RNF19A: variants seen among roughly 807,000 people sequenced by gnomAD.
The protein encoded by RNF19A is E3 ubiquitin-protein ligase RNF19A.
Under a neutral mutation model 75.7 loss-of-function variants are expected in RNF19A, and 32 were observed. The observed-to-expected ratio is 0.42, with a 90% CI of 0.32 to 0.57. The LOEUF (loss-of-function observed/expected upper bound fraction) is 0.57. Ranked by LOEUF, RNF19A falls within the 20% of genes least tolerant of loss-of-function variation. The pLI, the probability that RNF19A is intolerant of heterozygous loss-of-function variation, is 0.10. For synonymous variants in RNF19A, 335 were observed against 345.2 expected (o/e 0.97, Z 0.33); for missense variants, 782 against 1,036.3 (o/e 0.75, Z 3.37).
Position 100,275,208 on chromosome 8 carries a change from G to C in RNF19A, c.675-47C>G. The C allele has an allele frequency of 6.6e-7, 1 of 1,524,136 alleles. No individual in the cohort carries two copies. The highest frequency in any genetic ancestry group is 9.1e-7 in the Non-Finnish European group (1 of 1,102,996). 94.4% of individuals were successfully genotyped at this position (1,524,136 alleles called of 1,614,324 possible). A position where few individuals can be genotyped will look rare whatever the true frequency, so the allele number is the denominator to read the frequency against. On this transcript the variant is annotated intron_variant, in intron 2 of 9. Transcript: ENST00000341084. This position sits in a 1 kb window ranked among gnomAD's most constrained non-coding sequence, Gnocchi z 4.3. Reference sequence around the variant, plus strand: ...ATTTAAAATGTGACATAAAACAAGAGATACTCATTTCAAAAAGTATCCAAC... The same window carrying C: ...ATTTAAAATGTGACATAAAACAAGACATACTCATTTCAAAAAGTATCCAAC...
At chr8:100,335,548 T>C (rs959671445) in intron 1 of RNF19A, among the ~76,000 whole-genome samples, 5 of 152,370 alleles carry the variant, frequency 3.3e-5, no homozygotes, top group African/African-American at 1.2e-4. Context: ...ATTTTTACTT[T>C]AATAATTTTT....
At position 100,287,753 on chromosome 8, in the gene RNF19A, T is replaced by C; in HGVS notation, c.422A>G (p.Lys141Arg). 6.2e-7 allele frequency: 1 copy of C among 1,614,144 alleles called. No homozygotes were observed. The highest frequency in any genetic ancestry group is 1.1e-5 in the South Asian group (1 of 91,074). Residue 141 changes from lysine to arginine, a missense_variant, in exon 2 of 10, where the codon AAA (lysine) becomes AGA (arginine). Transcript: ENST00000341084. This position sits in a 1 kb window ranked among gnomAD's most constrained non-coding sequence, Gnocchi z 4.1. ...ECPLCLLRHSKDRFPDIMTCH... is the reference protein window; with the variant it reads ...ECPLCLLRHSRDRFPDIMTCH... ...AGTCATTATATCAGGAAATCTGTCT[T>C]TAGAATGCCGCAAAAGGCACAAAGG... is the stretch of plus-strand genomic sequence containing the variant.
At chr8:100,328,304 A>G (rs907272229) in intron 1 of RNF19A, among the ~76,000 whole-genome samples, 2 of 152,170 alleles carry the variant, frequency 1.3e-5, no homozygotes, top group African/African-American at 4.8e-5. Context: ...GAGTCAAAAG[A>G]TCTAGCCTCT....
At chr8:100,313,506 T>C (rs1240932984), upstream of RNF19A, 2 of 101,598 alleles carry the variant, frequency 2.0e-5, no homozygotes, top group African/African-American at 8.2e-5. Flanking sequence ...GGGAGGGGAG[T>C]ATGACGTGGG....
Position 100,322,539 on chromosome 8 carries a change from G to A in RNF19A, c.-242-9167C>T, listed in dbSNP as rs1299195270. 1.3e-5 allele frequency among the ~76,000 whole-genome samples: 2 copies of A among 152,228 alleles called. No homozygotes were observed. Among genetic ancestry groups the A allele is most frequent in the Non-Finnish European group, 2.9e-5 (2 of 68,040 alleles). On this transcript the variant is annotated intron_variant, in intron 1 of 3. Transcript: ENST00000519527. This position sits in a 1 kb window ranked among gnomAD's most constrained non-coding sequence, Gnocchi z 5.1. ...AGCAATAAGGCTGTTTCATTTATGA[G>A]TTCACTGGAGTAGCAATTTTAACAT...
Position 100,261,593 on chromosome 8 carries a change from G to T in RNF19A, c.1631C>A (p.Ala544Asp), listed in dbSNP as rs1819717324. ...TCCTGACAGACTCCCCGTTATACTG[G>T]CTCCAGCTAGTGCCATGGTGCTGGC... ...ETASTMALAG[A>D]SITGSLSGSA... is the part of the protein sequence containing the mutation. Residue 544 changes from alanine (A) to aspartate (D), a missense_variant, in exon 8 of 10, where the codon GCC becomes GAC. This residue lies in a region of RNF19A where 442 missense variants were observed against 541.6 expected (regional missense o/e 0.82). Coordinates refer to ENST00000341084, the MANE Select transcript of RNF19A (RefSeq NM_183419.4). This position sits in a 1 kb window ranked among gnomAD's most constrained non-coding sequence, Gnocchi z 4.4. 1 of 1,613,894 alleles carries T rather than the reference G, an allele frequency of 6.2e-7. No individual in the cohort carries two copies. Among genetic ancestry groups the T allele is most frequent in the Non-Finnish European group, 8.5e-7 (1 of 1,179,972 alleles).
At position 100,270,009 on chromosome 8, in the gene RNF19A, A is replaced by G. The variant is rs1287079168; in HGVS notation, c.888T>C (p.Asp296=). The change falls in exon 4 of 10, where the codon GAT becomes GAC. Residue 296 remains aspartate, a synonymous_variant. Transcript: ENST00000341084. ...CACATCGTGGACATGGCTTTATATC[A>G]TCAGCTATTGGGAACACAGAGAAAT... ...SYSQESGAAA[D]DIKPCPRCAA... 2 of 1,583,014 alleles carry G rather than the reference A, an allele frequency of 1.3e-6. No individual in the cohort carries two copies. Among genetic ancestry groups the G allele is most frequent in the African/African-American group, 2.7e-5 (2 of 73,570 alleles).
At chr8:100,292,206 A>C (rs1821330922) in intron 1 of RNF19A, among the ~76,000 whole-genome samples, 1 of 152,224 alleles carries the variant, frequency 6.6e-6, no homozygotes. Context: ...GATAATAAAG[A>C]ATAAAAAAAA....
At chr8:100,278,479 A>C (rs1470391163) in intron 2 of RNF19A, among the ~76,000 whole-genome samples, 4 of 152,200 alleles carry the variant, frequency 2.6e-5, no homozygotes, top group African/African-American at 4.8e-5. Flanking sequence ...AAAATGCTAT[A>C]ATCTTTGTGA....
intron 5 of RNF19A, among the ~76,000 whole-genome samples, chr8:100,265,155 C>T (rs1400574596): frequency 6.6e-6 from 1 of 152,172 alleles, no homozygotes; most frequent in Non-Finnish European, 1.5e-5. Flanking sequence ...ATACTTCCAG[C>T]ATTCTAAAGG....
chr8:100,316,307 G>A lies in RNF19A; in HGVS notation c.-242-2935C>T, dbSNP rs532483653. Among the ~76,000 whole-genome samples the A allele has an allele frequency of 5.3e-5, 8 of 152,200 alleles. No individual in the cohort carries two copies. In the South Asian group the frequency reaches 1.7e-3, roughly 32 times the overall value. ...AGGGTGAGCAGTAGCAAGATTTACT[G>A]CAAAGAGCGAAAGAACGAAGCTTCC... On this transcript the variant is annotated intron_variant, in intron 1 of 3. Coordinates refer to the RNF19A transcript ENST00000519527.
At position 100,317,129 on chromosome 8, in the gene RNF19A, C is replaced by G. The variant is rs908866687; in HGVS notation, c.-242-3757G>C. ...GGAACTCCAGCTGGCCCGCAAGCGC[C>G]GCACGCAGCCCAGCCCGGGTTCCCG... On this transcript the variant is annotated intron_variant, in intron 1 of 3. Transcript: ENST00000519527. The surrounding 1 kb of genome is among the most constrained non-coding windows in gnomAD (Gnocchi z 4.3). Among the ~76,000 whole-genome samples the G allele has an allele frequency of 3.3e-5, 5 of 152,252 alleles. No individual in the cohort carries two copies. Among genetic ancestry groups the G allele is most frequent in the African/African-American group, 9.6e-5 (4 of 41,470 alleles).
chr8:100,299,925 T>C (rs1821748298), intron 1 of RNF19A, among the ~76,000 whole-genome samples: 1 of 152,042 alleles, frequency 6.6e-6, no homozygotes, highest in African/African-American at 2.4e-5. Context: ...ACACCATGAG[T>C]AAGGGGGAGG....
intron 1 of RNF19A, among the ~76,000 whole-genome samples, chr8:100,293,143 G>A (rs116974922): frequency 0.022 from 3,324 of 152,258 alleles, 67 homozygotes; most frequent in Non-Finnish European, 0.035. Flanking sequence ...ACGGCTGCTC[G>A]CCTCCTGCTG....
At chr8:100,271,915 C>G (rs1183614347) in intron 3 of RNF19A, among the ~76,000 whole-genome samples, 1 of 152,142 alleles carries the variant, frequency 6.6e-6, no homozygotes, top group African/African-American at 2.4e-5. Flanking sequence ...AGCCACCGTT[C>G]CCCGATATGA....
rs1821063741 is a variant in RNF19A, at chr8:100,287,183, ATC to A, written c.674+316_674+317del. On this transcript the variant is annotated intron_variant, in intron 2 of 9. Transcript: ENST00000341084. This position sits in a 1 kb window ranked among gnomAD's most constrained non-coding sequence, Gnocchi z 4.1. ...CATCATAAACAAACCTGATCATTTC[ATC>A]TGTTATTCCAAAATAAAAATTCTCC... 6.6e-6 allele frequency among the ~76,000 whole-genome samples: 1 copy of A among 152,232 alleles called. No homozygotes were observed. The highest frequency in any genetic ancestry group is 1.9e-4 in the East Asian group (1 of 5,198).
intron 1 of RNF19A, among the ~76,000 whole-genome samples, chr8:100,298,238 T>C (rs1027581490): frequency 1.3e-5 from 2 of 148,404 alleles, no homozygotes; most frequent in African/African-American, 5.1e-5. Flanking sequence ...AGGTTAGAAA[T>C]AAAAACAAAT....
At chr8:100,307,580 G>A (rs1460143757) in intron 1 of RNF19A, among the ~76,000 whole-genome samples, 1 of 151,156 alleles carries the variant, frequency 6.6e-6, no homozygotes, top group Admixed American at 6.6e-5. Flanking sequence ...GGGGGTGTCA[G>A]AATCTTCCAT....
upstream of RNF19A, chr8:100,310,261 G>A (rs1452071375): frequency 3.0e-6 from 3 of 984,314 alleles, no homozygotes; most frequent in African/African-American, 1.7e-5. Context: ...GTTCCCTTGC[G>A]CACGTTCGTT....
Sources: allele counts gnomAD v4.1 joint callset (sites outside exome capture counted in the v4.1 genomes callset), GRCh38; gene constraint gnomAD v4.1.1; regional missense constraint gnomAD v4.1.1; non-coding constraint Gnocchi (gnomAD v3.1); transcripts MANE v1.5; gene names NCBI Gene and HGNC (gene_info 2026-07-23, HGNC 2026-07-21).